The following PPP2R5C variants were observed in gnomAD, a reference collection of about 807,000 sequenced individuals.
PPP2R5C encodes the protein protein phosphatase 2 regulatory subunit B'gamma.
In PPP2R5C, 7 loss-of-function variants were observed where a neutral mutation model predicts 68.9. That is an observed-to-expected ratio of 0.10 (90% CI 0.06 to 0.19). The LOEUF is 0.19. Ranked by LOEUF, PPP2R5C falls within the 10% of genes least tolerant of loss-of-function variation. The probability of loss-of-function intolerance (pLI) is 1.00; values close to 1 mark genes in which losing one functional copy is unlikely to be tolerated. For synonymous variants in PPP2R5C, 210 were observed against 222.2 expected (o/e 0.95, Z 0.49); for missense variants, 348 against 641.3 (o/e 0.54, Z 4.94).
rs2041013299 is a variant in PPP2R5C at position 101,835,266 on chromosome 14, G to A, written c.95-21420G>A. On this transcript the variant is annotated intron_variant, in intron 1 of 13. Coordinates refer to ENST00000334743, the Ensembl canonical transcript of PPP2R5C. This position sits in a 1 kb window ranked among gnomAD's most constrained non-coding sequence, Gnocchi z 5.0. ...GGGGGAGCAGGATGAATTGGGATAA[G>A]GGAAGCCCAGGGCAGGGTGTTGGCA... Among the ~76,000 whole-genome samples the A allele has an allele frequency of 6.6e-6, 1 of 152,192 alleles. No individual in the cohort carries two copies. The highest frequency in any genetic ancestry group is 6.5e-5 in the Admixed American group (1 of 15,282).
At chr14:101,762,325 G>A (rs1477018648) in intron 1 of PPP2R5C, among the ~76,000 whole-genome samples, 1 of 152,160 alleles carries the variant, frequency 6.6e-6, no homozygotes, top group Non-Finnish European at 1.5e-5. Context: ...TTCAGGGATG[G>A]GGGCTGTAGA....
At position 101,768,353 on chromosome 14, in the gene PPP2R5C, T is replaced by A. The variant is rs115282444; in HGVS notation, c.93+5383T>A. On this transcript the variant is annotated intron_variant, in intron 2 of 14. Coordinates refer to the PPP2R5C transcript ENST00000328724. ...GAAGGGAGATCACTCCTTTATACTC[T>A]TCACAATTATCAAGCACCCCAAAGA... 2.6e-3 allele frequency among the ~76,000 whole-genome samples: 399 copies of A among 152,328 alleles called. 2 individuals carry two copies. Among genetic ancestry groups the A allele is most frequent in the African/African-American group, 9.1e-3 (380 of 41,564 alleles).
intron 1 of PPP2R5C, among the ~76,000 whole-genome samples, chr14:101,817,245 T>C (rs1173978265): frequency 1.3e-5 from 2 of 152,100 alleles, no homozygotes; most frequent in African/African-American, 2.4e-5. Flanking sequence ...CGTGAGCCAC[T>C]GCCCCAGGAT....
chr14:101,795,035 A>G (rs949990690), intron 3 of PPP2R5C, among the ~76,000 whole-genome samples: 9 of 152,204 alleles, frequency 5.9e-5, no homozygotes, highest in Admixed American at 5.9e-4. Flanking sequence ...GAGTGGGCAT[A>G]CTTGTCTTGT....
At chr14:101,808,947 C>T (rs1306852776), upstream of PPP2R5C, among the ~76,000 whole-genome samples, 2 of 152,116 alleles carry the variant, frequency 1.3e-5, no homozygotes, top group Non-Finnish European at 2.9e-5. Flanking sequence ...ATGTTTTTCT[C>T]CTTGGAATAG....
At chr14:101,830,649 C>A (rs1233358110) in intron 1 of PPP2R5C, among the ~76,000 whole-genome samples, 1 of 152,172 alleles carries the variant, frequency 6.6e-6, no homozygotes, top group African/African-American at 2.4e-5. Flanking sequence ...AGCAGTGGTA[C>A]TTAGTTACAA....
chr14:101,873,757 C>G (rs1005726571), intron 2 of PPP2R5C, among the ~76,000 whole-genome samples: 3 of 152,200 alleles, frequency 2.0e-5, no homozygotes, highest in Admixed American at 6.5e-5. Flanking sequence ...CTTGCAAATT[C>G]TAATCCAGTT....
intron 2 of PPP2R5C, among the ~76,000 whole-genome samples, chr14:101,777,450 AGCGATTCTCCT>A (rs1420628910): frequency 2.6e-5 from 4 of 151,910 alleles, no homozygotes; most frequent in Non-Finnish European, 4.4e-5. Flanking sequence ...CCTGGGTTCA[AGCGATTCTCCT>A]GCCTCAGCCT....
chr14:101,774,032 A>G (rs1377125541), intron 2 of PPP2R5C, among the ~76,000 whole-genome samples: 1 of 152,214 alleles, frequency 6.6e-6, no homozygotes, highest in Admixed American at 6.5e-5. Flanking sequence ...ATGGGAAGCC[A>G]CTGGGGTGTT....
intron 5 of PPP2R5C, among the ~76,000 whole-genome samples, chr14:101,889,411 T>C (rs1741127): frequency 0.05 from 7,610 of 152,268 alleles, 258 homozygotes; most frequent in South Asian, 0.11. Context: ...TCCTGTTTCC[T>C]AACATGTCCC....
intron 2 of PPP2R5C, among the ~76,000 whole-genome samples, chr14:101,763,895 G>A (rs2036700901): frequency 6.6e-6 from 1 of 152,076 alleles, no homozygotes. Context: ...TGCTACTGAC[G>A]TCCTGGGCTA....
intron 8 of PPP2R5C, among the ~76,000 whole-genome samples, chr14:101,898,298 C>T (rs764558166): frequency 1.4e-4 from 22 of 152,090 alleles, no homozygotes; most frequent in Admixed American, 3.3e-4. Context: ...TCACCAAATG[C>T]CACATTGCGT....
rs150071587 is a variant in PPP2R5C at position 101,796,618 on chromosome 14, A to G, written c.259+10435A>G. 7.3e-3 allele frequency: 1,144 copies of G among 156,204 alleles called. 21 individuals carry two copies. Among genetic ancestry groups the G allele is most frequent in the African/African-American group, 0.026 (1,073 of 41,620 alleles). 9.7% of individuals were successfully genotyped at this position (156,204 alleles called of 1,614,324 possible). ...AACACTGGGGAGCCCGTTGCCTGTC[A>G]GACAGCCTGAGCCCAGCCAGCCAGC... On this transcript the variant is annotated intron_variant, in intron 3 of 14. Coordinates refer to the PPP2R5C transcript ENST00000328724.
At position 101,835,755 on chromosome 14, in the gene PPP2R5C, G is replaced by A. The variant is rs115701510; in HGVS notation, c.95-20931G>A. Among the ~76,000 whole-genome samples the A allele has an allele frequency of 5.0e-3, 765 of 152,346 alleles. 10 individuals are homozygous for A. The highest frequency in any genetic ancestry group is 0.017 in the African/African-American group (718 of 41,586). On this transcript the variant is annotated intron_variant, in intron 1 of 13. Coordinates refer to ENST00000334743, the Ensembl canonical transcript of PPP2R5C. The surrounding 1 kb of genome is among the most constrained non-coding windows in gnomAD (Gnocchi z 5.0). ...GTGGGACCACGCCGCCTGCACAGCCGTCCCCTCACGGGGTGCCTCTTGCCC... is the reference window on the plus strand; with the variant it reads ...GTGGGACCACGCCGCCTGCACAGCCATCCCCTCACGGGGTGCCTCTTGCCC...
chr14:101,919,459 GTTC>G (rs1387901533), intron 13 of PPP2R5C, among the ~76,000 whole-genome samples: 3 of 152,092 alleles, frequency 2.0e-5, no homozygotes, highest in African/African-American at 4.8e-5. Flanking sequence ...GAGTGTTAAT[GTTC>G]TTCTTGATAT....
intron 8 of PPP2R5C, among the ~76,000 whole-genome samples, chr14:101,897,052 G>A (rs1362233256): frequency 2.0e-5 from 3 of 152,054 alleles, no homozygotes; most frequent in Admixed American, 6.6e-5. Context: ...ACAGAGCCAC[G>A]AGCTGGGCCC....
chr14:101,848,958 C>G (rs1476172186), intron 1 of PPP2R5C, among the ~76,000 whole-genome samples: 1 of 152,108 alleles, frequency 6.6e-6, no homozygotes, highest in Admixed American at 6.5e-5. Flanking sequence ...CTAAAAGCCC[C>G]CTGTAAGTCT....
At chr14:101,883,706 C>T in intron 5 of PPP2R5C, 144 bp downstream of exon 7, 2 of 1,119,182 alleles carry the variant, frequency 1.8e-6, no homozygotes, top group Non-Finnish European at 2.6e-6. Context: ...TGCAGGTGGA[C>T]CCCCTTGTGC....
At position 101,899,150 on chromosome 14, in the gene PPP2R5C, A is replaced by T. The variant is rs915722939; in HGVS notation, c.853-2569A>T. Among the ~76,000 whole-genome samples, 1 of 152,238 alleles carries T rather than the reference A, an allele frequency of 6.6e-6. No individual in the cohort carries two copies. The highest frequency in any genetic ancestry group is 1.5e-5 in the Non-Finnish European group (1 of 68,044). ...CTCAAAAGCTTTCTGGGCACATGAA[A>T]CACTTTCTCTGTTGGAAGAATAACA... On this transcript the variant is annotated intron_variant, in intron 8 of 13. Coordinates refer to ENST00000334743, the Ensembl canonical transcript of PPP2R5C. This position sits in a 1 kb window ranked among gnomAD's most constrained non-coding sequence, Gnocchi z 4.2.
Sources: gnomAD v4.1 joint callset for allele counts (sites outside exome capture counted in the v4.1 genomes callset) on GRCh38, gnomAD v4.1.1 for gene constraint, Gnocchi (gnomAD v3.1) non-coding constraint, MANE v1.5 for transcripts, NCBI Gene and HGNC (gene_info 2026-07-23, HGNC 2026-07-21) for gene names.